Variants in LRRC7 observed in about 807,000 individuals in gnomAD.
LRRC7 encodes leucine-rich repeat-containing protein 7.
In LRRC7, 23 loss-of-function variants were observed where a neutral mutation model predicts 175.7. The observed-to-expected ratio is 0.13, with a 90% CI of 0.09 to 0.19. LRRC7 has a LOEUF of 0.19. Ranked by LOEUF, LRRC7 falls within the 10% of genes least tolerant of loss-of-function variation. The pLI is 1.00. For missense variants in LRRC7, 1,354 were observed against 1,904.7 expected, an observed-to-expected ratio of 0.71 and a Z score of 5.38; for synonymous variants, 685 against 680.9, an observed-to-expected ratio of 1.01 and a Z score of -0.09.
intron 9 of LRRC7, among the ~76,000 whole-genome samples, chr1:69,982,844 T>C (rs916180552): frequency 6.6e-6 from 1 of 152,200 alleles, no homozygotes; most frequent in Non-Finnish European, 1.5e-5. Flanking sequence ...TTCAATATCC[T>C]CAAGCACTGT....
intron 25 of LRRC7, among the ~76,000 whole-genome samples, chr1:70,102,073 A>G (rs1310152414): frequency 6.6e-6 from 1 of 152,216 alleles, no homozygotes; most frequent in East Asian, 1.9e-4. Context: ...AGAAAAACTC[A>G]CTTAGAGATG....
intron 1 of LRRC7, among the ~76,000 whole-genome samples, chr1:69,677,154 G>T (rs931883537): frequency 1.4e-5 from 2 of 138,134 alleles, no homozygotes; most frequent in African/African-American, 5.2e-5. Context: ...TATACATGGT[G>T]TGTGTAGATA....
chr1:69,725,615 G>A (rs559574273), intron 2 of LRRC7, among the ~76,000 whole-genome samples: 2 of 152,166 alleles, frequency 1.3e-5, no homozygotes, highest in South Asian at 2.1e-4. Context: ...ATACACTCAA[G>A]GTGCCTAAAC....
chr1:69,908,944 C>A (rs1646421180), intron 7 of LRRC7, among the ~76,000 whole-genome samples: 1 of 151,876 alleles, frequency 6.6e-6, no homozygotes, highest in Admixed American at 6.6e-5. Context: ...CTTTATGAGT[C>A]TGGGTGCTCC....
intron 18 of LRRC7, among the ~76,000 whole-genome samples, chr1:70,033,030 C>T (rs183317367): frequency 2.4e-4 from 36 of 152,268 alleles, no homozygotes; most frequent in African/African-American, 8.2e-4. Context: ...AACTCAATTC[C>T]TCTAGCCTCT....
Position 70,089,750 on chromosome 1 carries a change from T to A in LRRC7, c.4476T>A (p.Asn1492Lys). 6.2e-7 allele frequency: 1 copy of A among 1,609,714 alleles called. No homozygotes were observed. The change falls in exon 25 of 27, where the codon AAT (asparagine) becomes AAA (lysine). Residue 1492 changes from asparagine (N) to lysine (K), a missense_variant. By Grantham distance (94) the Asn-to-Lys change is moderately conservative. Transcript: ENST00000651989. The part of the protein sequence containing the change: ...PEQFCVRIEK[N>K]PGLGFSISGG... The stretch of plus-strand genomic sequence containing the variant: ...AGTTTTGTGTGAGAATAGAAAAGAA[T>A]CCTGGCCTTGGATTTAGTATCAGTG...
At chr1:69,652,444 T>G (rs1570178294) in intron 1 of LRRC7, among the ~76,000 whole-genome samples, 2 of 152,152 alleles carry the variant, frequency 1.3e-5, no homozygotes, top group Non-Finnish European at 2.9e-5. Context: ...CTGAAAATTA[T>G]TAAATATTGA....
chr1:69,991,887 T>C (rs1654473269), intron 10 of LRRC7, among the ~76,000 whole-genome samples: 1 of 152,150 alleles, frequency 6.6e-6, no homozygotes, highest in Non-Finnish European at 1.5e-5. Context: ...GGGACTCTTT[T>C]CCTCTTCTAG....
intron 9 of LRRC7, among the ~76,000 whole-genome samples, chr1:69,985,768 A>G (rs577664162): frequency 6.6e-5 from 10 of 152,320 alleles, no homozygotes; most frequent in South Asian, 2.1e-4. Flanking sequence ...GTTACTTTGC[A>G]TGTATTTTCA....
chr1:69,866,865 GAAT>G (rs778470700), intron 7 of LRRC7, among the ~76,000 whole-genome samples: 4 of 152,086 alleles, frequency 2.6e-5, no homozygotes, highest in African/African-American at 4.8e-5. Context: ...GTTATTTTTA[GAAT>G]AATAATATTT....
chr1:69,680,587 A>G (rs1434102167), intron 2 of LRRC7, among the ~76,000 whole-genome samples: 2 of 152,112 alleles, frequency 1.3e-5, no homozygotes, highest in African/African-American at 4.8e-5. Flanking sequence ...TCTCTTGCAT[A>G]GAGGTCTTTA....
intron 9 of LRRC7, among the ~76,000 whole-genome samples, chr1:69,985,098 A>G (rs1410898779): frequency 6.6e-6 from 1 of 152,102 alleles, no homozygotes; most frequent in Non-Finnish European, 1.5e-5. Context: ...GGCATTCACT[A>G]CATGCTTTTT....
intron 7 of LRRC7, among the ~76,000 whole-genome samples, chr1:69,909,350 G>A (rs1490001113): frequency 6.6e-6 from 1 of 152,100 alleles, no homozygotes; most frequent in African/African-American, 2.4e-5. Context: ...AGTTGATGCA[G>A]TTTTCTTCCT....
intron 1 of LRRC7, among the ~76,000 whole-genome samples, chr1:69,667,566 T>C (rs1224773313): frequency 6.6e-6 from 1 of 152,198 alleles, no homozygotes; most frequent in African/African-American, 2.4e-5. Context: ...GTGACTTTTG[T>C]CTATTCTTAT....
chr1:69,935,328 T>G (rs1306529560), intron 8 of LRRC7, among the ~76,000 whole-genome samples: 1 of 152,186 alleles, frequency 6.6e-6, no homozygotes, highest in Admixed American at 6.5e-5. Flanking sequence ...TGAATAGATT[T>G]AAAATTTTGC....
In LRRC7 at chr1:69,968,880, G is replaced by A. The variant is rs541863838; in HGVS notation, c.712-11499G>A. Reference sequence around the variant, plus strand: ...GTCTCCCAGGCTGGAGTGCAGTGGCGCAATCTCAGCTCACTGCAAGCCCCG... The same window carrying A: ...GTCTCCCAGGCTGGAGTGCAGTGGCACAATCTCAGCTCACTGCAAGCCCCG... On this transcript the variant is annotated intron_variant, in intron 8 of 26. Transcript: ENST00000651989. Among the ~76,000 whole-genome samples, 21 of 151,546 alleles carry A rather than the reference G, an allele frequency of 1.4e-4. No homozygotes were observed. The South Asian group carries it at 1.5e-3, about 11-fold the overall frequency.
intron 2 of LRRC7, among the ~76,000 whole-genome samples, chr1:69,758,281 C>G (rs974080748): frequency 3.3e-5 from 5 of 151,990 alleles, no homozygotes; most frequent in Non-Finnish European, 7.4e-5. Flanking sequence ...GTTGGAGAGA[C>G]AGAAAGTAAT....
chr1:70,121,275 T>C (rs1337622957), intron 26 of LRRC7, among the ~76,000 whole-genome samples: 3 of 152,056 alleles, frequency 2.0e-5, no homozygotes, highest in Admixed American at 2.0e-4. Context: ...AAAAAATATT[T>C]CTCTAATGTA....
chr1:69,870,666 T>C (rs2101577405), intron 7 of LRRC7, among the ~76,000 whole-genome samples: 1 of 152,252 alleles, frequency 6.6e-6, no homozygotes, highest in South Asian at 2.1e-4. Context: ...TTTTTTTGTA[T>C]AGTAAACGCT....
Sources: allele counts gnomAD v4.1 joint callset (sites outside exome capture counted in the v4.1 genomes callset), GRCh38; gene constraint gnomAD v4.1.1; transcripts MANE v1.5; gene names NCBI Gene and HGNC (gene_info 2026-07-23, HGNC 2026-07-21).